KLF15: variants seen among roughly 807,000 people sequenced by gnomAD.
KLF15 encodes the protein KLF transcription factor 15.
Under a neutral mutation model 24.6 loss-of-function variants are expected in KLF15, and 4 were observed. That is an observed-to-expected ratio of 0.16 (90% CI 0.08 to 0.37). The LOEUF is 0.37. Ranked by LOEUF, KLF15 falls within the 10% of genes least tolerant of loss-of-function variation. The probability of loss-of-function intolerance (pLI) is 1.00; values close to 1 mark genes in which losing one functional copy is unlikely to be tolerated. For synonymous variants in KLF15, 246 were observed against 236.3 expected, an observed-to-expected ratio of 1.04 and a Z score of -0.37; for missense variants, 496 against 560.6, an observed-to-expected ratio of 0.88 and a Z score of 1.16.
chr3:126,334,461 G>T, the KLF15 span, among the ~76,000 whole-genome samples: 1 of 128,642 alleles, frequency 7.8e-6, no homozygotes, highest in East Asian at 2.2e-4. Flanking sequence ...ATGCCCACAA[G>T]AGAAAGCAGG....
chr3:126,346,515 C>T (rs1309904855), intron 2 of KLF15, among the ~76,000 whole-genome samples: 9 of 152,208 alleles, frequency 5.9e-5, no homozygotes, highest in Admixed American at 3.9e-4. Context: ...CATTCCTGCC[C>T]ACCTTCCAAG....
At chr3:126,295,175 T>A in the KLF15 span, among the ~76,000 whole-genome samples, 1 of 152,168 alleles carries the variant, frequency 6.6e-6, no homozygotes, top group African/African-American at 2.4e-5. Context: ...TACATACATA[T>A]ATAAATATAT....
At chr3:126,339,552 C>T (rs751052905), downstream of KLF15, among the ~76,000 whole-genome samples, 16 of 152,270 alleles carry the variant, frequency 1.1e-4, no homozygotes, top group Non-Finnish European at 2.2e-4. Flanking sequence ...CATCTCTGTT[C>T]ATCACCAAAT....
At chr3:126,332,102 G>A in the KLF15 span, among the ~76,000 whole-genome samples, 3 of 152,138 alleles carry the variant, frequency 2.0e-5, no homozygotes, top group Non-Finnish European at 2.9e-5. Flanking sequence ...CTCTGTAGGC[G>A]CCACCGCTGG....
downstream of KLF15, among the ~76,000 whole-genome samples, chr3:126,339,629 C>A (rs1173276536): frequency 6.6e-6 from 1 of 152,226 alleles, no homozygotes; most frequent in Admixed American, 6.5e-5. Context: ...ATCGCCTCCT[C>A]ATGCCTTCAC....
At chr3:126,323,403 TTATATATATATA>T in the KLF15 span, among the ~76,000 whole-genome samples, 2,457 of 49,994 alleles carry the variant, frequency 0.049, 246 homozygotes, top group East Asian at 0.092. Context: ...GCCCCAGTAG[TTATATATATATA>T]TATATATATA....
intron 2 of KLF15, among the ~76,000 whole-genome samples, chr3:126,351,506 G>T (rs567751676): frequency 6.6e-6 from 1 of 152,330 alleles, no homozygotes; most frequent in Admixed American, 6.5e-5. Context: ...GGGAGCCGCT[G>T]CCTGGCCCCT....
the KLF15 span, among the ~76,000 whole-genome samples, chr3:126,309,572 G>A: frequency 6.6e-6 from 1 of 152,246 alleles, no homozygotes; most frequent in African/African-American, 2.4e-5. Context: ...GCGCACACAT[G>A]TGTTTCTGTG....
At chr3:126,293,230 G>A in the KLF15 span, among the ~76,000 whole-genome samples, 11 of 152,008 alleles carry the variant, frequency 7.2e-5, no homozygotes, top group African/African-American at 2.2e-4. Flanking sequence ...TGGGAGAATC[G>A]CTTGAGCTGG....
chr3:126,290,506 A>ACCTTCCTTCCTC, the KLF15 span, among the ~76,000 whole-genome samples: 2,902 of 144,716 alleles, frequency 0.02, 83 homozygotes, highest in African/African-American at 0.064. Context: ...CTTCCTTCCT[A>ACCTTCCTTCCTC]CCTTCCTTCC....
At chr3:126,309,675 A>G in the KLF15 span, among the ~76,000 whole-genome samples, 1 of 152,240 alleles carries the variant, frequency 6.6e-6, no homozygotes, top group African/African-American at 2.4e-5. Flanking sequence ...TTCCCCAAAT[A>G]AAAGGAGATG....
the KLF15 span, among the ~76,000 whole-genome samples, chr3:126,315,194 C>T: frequency 7.2e-5 from 11 of 152,280 alleles, no homozygotes; most frequent in African/African-American, 2.4e-4. Flanking sequence ...GGACACCAGT[C>T]ATATTGCATT....
In KLF15 at chr3:126,352,516, G is replaced by A. The variant is rs1360595758; in HGVS notation, c.407C>T (p.Pro136Leu). The change falls in exon 2 of 3, where the codon CCC (proline) becomes CTC (leucine). Residue 136 changes from proline to leucine, a missense_variant. By Grantham distance (98) the Pro-to-Leu change is moderately conservative. Transcript: ENST00000296233. ...AATCTCCTCCAGGGTAGGCTGGAAG[G>A]GCCGTGGGACGTCATCAGGATCACC... ...PLGDPDDVPR[P>L]FQPTLEEIEE... The A allele has an allele frequency of 6.2e-7, 1 of 1,613,158 alleles. No individual in the cohort carries two copies. Among genetic ancestry groups the A allele is most frequent in the Non-Finnish European group, 8.5e-7 (1 of 1,180,024 alleles).
At chr3:126,296,512 AT>A in the KLF15 span, among the ~76,000 whole-genome samples, 1 of 152,250 alleles carries the variant, frequency 6.6e-6, no homozygotes, top group Non-Finnish European at 1.5e-5. Context: ...AGACTGCAAC[AT>A]ACATTCTTAA....
chr3:126,343,152 G>GCCCCCCCCCCCCCCCCCC lies in KLF15; in HGVS notation c.*557_*574dup, dbSNP rs576384165. 1.7e-4 allele frequency: 2 copies of GCCCCCCCCCCCCCCCCCC among 11,908 alleles called. No homozygotes were observed. Among genetic ancestry groups the GCCCCCCCCCCCCCCCCCC allele is most frequent in the Admixed American group, 1.3e-3 (1 of 762 alleles). The allele number at this position is 11,908 out of a possible 1,614,324, so 0.7% of individuals were successfully genotyped here. A position where few individuals can be genotyped will look rare whatever the true frequency, so the allele number is the denominator to read the frequency against. ...CATGAGGGCCCAGCGGCCCGGTCCT[G>GCCCCCCCCCCCCCCCCCC]CCCCCCCCCCCCCCCCCCCCCCCCC... On this transcript the variant is annotated 3_prime_UTR_variant, in exon 3 of 3. Coordinates refer to ENST00000296233, the MANE Select transcript of KLF15 (RefSeq NM_014079.4).
At chr3:126,292,877 A>G in the KLF15 span, among the ~76,000 whole-genome samples, 1 of 152,112 alleles carries the variant, frequency 6.6e-6, no homozygotes, top group Non-Finnish European at 1.5e-5. Flanking sequence ...GGAGAGGACA[A>G]ATCTGATGGA....
downstream of KLF15, among the ~76,000 whole-genome samples, chr3:126,338,413 G>A (rs377303741): frequency 2.1e-4 from 32 of 152,314 alleles, no homozygotes; most frequent in African/African-American, 5.8e-4. Context: ...TCAAGGTGAC[G>A]TTCGTGCATT....
the KLF15 span, among the ~76,000 whole-genome samples, chr3:126,323,424 TATATATATATAACATATATATGTTATA>T: frequency 3.9e-5 from 1 of 25,942 alleles, no homozygotes; most frequent in Non-Finnish European, 9.2e-5. Flanking sequence ...TATATATATA[TATATATATATAACATATATATGTTATA>T]TATATATATA....
the KLF15 span, among the ~76,000 whole-genome samples, chr3:126,312,328 C>T: frequency 1.3e-5 from 2 of 152,164 alleles, no homozygotes; most frequent in African/African-American, 4.8e-5. Context: ...TGCATGCCAC[C>T]ATGCCCTGTT....
Sources: allele counts gnomAD v4.1 joint callset (sites outside exome capture counted in the v4.1 genomes callset), GRCh38; gene constraint gnomAD v4.1.1; transcripts MANE v1.5; gene names NCBI Gene and HGNC (gene_info 2026-07-23, HGNC 2026-07-21).